The following PTPRD variants were observed in gnomAD, a reference collection of about 807,000 sequenced individuals.
PTPRD encodes the protein receptor-type tyrosine-protein phosphatase delta.
A neutral mutation model predicts 214.5 loss-of-function variants in PTPRD; 34 were observed. The observed-to-expected ratio is 0.16, with a 90% CI of 0.12 to 0.21. PTPRD has a LOEUF of 0.21. Ranked by LOEUF, PTPRD falls within the 10% of genes least tolerant of loss-of-function variation. PTPRD has a pLI of 1.00. For synonymous variants in PTPRD, 1,128 were observed against 845.7 expected (o/e 1.33, Z -5.79); for missense variants, 2,545 against 2,398.7 (o/e 1.06, Z -1.27).
At chr9:10,485,200 C>A (rs1308862156) in intron 2 of PTPRD, among the ~76,000 whole-genome samples, 1 of 152,016 alleles carries the variant, frequency 6.6e-6, no homozygotes, top group Non-Finnish European at 1.5e-5. Flanking sequence ...TCTGCATTCT[C>A]TTCTCTGTTC....
At chr9:10,307,796 T>A (rs1397782178) in intron 3 of PTPRD, among the ~76,000 whole-genome samples, 2 of 152,018 alleles carry the variant, frequency 1.3e-5, no homozygotes, top group Admixed American at 6.6e-5. Flanking sequence ...GTGGTTTGGG[T>A]TGGCATTTTT....
chr9:9,804,450 C>A (rs967952713), intron 5 of PTPRD, among the ~76,000 whole-genome samples: 1 of 152,042 alleles, frequency 6.6e-6, no homozygotes, highest in African/African-American at 2.4e-5. Context: ...TGAATGTGTT[C>A]TAAAATTTCT....
intron 4 of PTPRD, among the ~76,000 whole-genome samples, chr9:9,967,649 G>C (rs2094799263): frequency 6.6e-6 from 1 of 152,170 alleles, no homozygotes; most frequent in Non-Finnish European, 1.5e-5. Context: ...AGAATTAAAA[G>C]TTGTATTAGG....
chr9:9,655,918 C>T (rs1292189021), intron 7 of PTPRD, among the ~76,000 whole-genome samples: 2 of 152,166 alleles, frequency 1.3e-5, no homozygotes, highest in East Asian at 3.9e-4. Flanking sequence ...ACGGAGGTTG[C>T]AGTGAACCGA....
At chr9:9,139,806 T>A (rs1399061399) in intron 10 of PTPRD, among the ~76,000 whole-genome samples, 1 of 152,214 alleles carries the variant, frequency 6.6e-6, no homozygotes, top group African/African-American at 2.4e-5. Flanking sequence ...AGAACCACTG[T>A]ACCGGCAACA....
intron 10 of PTPRD, among the ~76,000 whole-genome samples, chr9:9,180,378 G>T (rs533589381): frequency 6.8e-6 from 1 of 146,254 alleles, no homozygotes; most frequent in South Asian, 2.2e-4. Flanking sequence ...ATTCTCACTC[G>T]TAGGTGGGAA....
chr9:10,160,277 T>A (rs1049228747), intron 3 of PTPRD, among the ~76,000 whole-genome samples: 1 of 152,032 alleles, frequency 6.6e-6, no homozygotes, highest in Non-Finnish European at 1.5e-5. Context: ...TGGGCACATA[T>A]AATCTGACAA....
At chr9:10,499,227 A>C (rs1465735172) in intron 2 of PTPRD, among the ~76,000 whole-genome samples, 5 of 151,856 alleles carry the variant, frequency 3.3e-5, no homozygotes, top group Admixed American at 1.3e-4. Flanking sequence ...AGGTTTTTAA[A>C]ATGAGAAGGT....
chr9:9,870,826 T>C lies in PTPRD; in HGVS notation c.-368+67681A>G, dbSNP rs114371531. ...GGAAAGAGAAGGTAGGATAGACACT[T>C]AGTGTTGAAATATCTTAACAATTGT... On this transcript the variant is annotated intron_variant, in intron 5 of 45. Transcript: ENST00000381196. Among the ~76,000 whole-genome samples the C allele has an allele frequency of 3.8e-3, 579 of 152,160 alleles. 2 individuals carry two copies. The highest frequency in any genetic ancestry group is 0.013 in the African/African-American group (552 of 41,546).
At position 9,758,539 on chromosome 9, in the gene PTPRD, C is replaced by G. The variant is rs186711516; in HGVS notation, c.-326+8271G>C. On this transcript the variant is annotated intron_variant, in intron 6 of 45. Coordinates refer to ENST00000381196, the MANE Select transcript of PTPRD (RefSeq NM_002839.4). ...AGGCAGCGTGTGAGTTCCAGGTTCT[C>G]AGAAAGTACATAAAGCCAAAGATAG... Among the ~76,000 whole-genome samples the G allele has an allele frequency of 7.2e-5, 11 of 152,240 alleles. No individual in the cohort carries two copies. In the East Asian group the frequency reaches 2.1e-3, roughly 29 times the overall value.
At chr9:8,966,549 C>G (rs896028872) in intron 11 of PTPRD, among the ~76,000 whole-genome samples, 2 of 151,972 alleles carry the variant, frequency 1.3e-5, no homozygotes, top group African/African-American at 4.8e-5. Flanking sequence ...AGACAACTGG[C>G]CAGCCATATC....
At chr9:9,293,389 CTT>C (rs71500980) in intron 9 of PTPRD, among the ~76,000 whole-genome samples, 1 of 111,006 alleles carries the variant, frequency 9.0e-6, no homozygotes. Flanking sequence ...TTTGTTTGTT[CTT>C]TTTTTTTTTG....
At chr9:8,341,417 C>T (rs1852309314) in intron 40 of PTPRD, 149 bp from the exon 41 acceptor site, 2 of 906,132 alleles carry the variant, frequency 2.2e-6, no homozygotes, top group African/African-American at 1.7e-5. Context: ...CTGCTTTTCA[C>T]ATCTACCTAA....
rs2078764347 is a variant in PTPRD, at chr9:10,604,358, T to C, written c.-600+8040A>G. Reference sequence around the variant, plus strand: ...CTGATGTAATACTTCAAAAAGCCAGTATGAATGTGTCTTAGTGAATGTGTA... The same window carrying C: ...CTGATGTAATACTTCAAAAAGCCAGCATGAATGTGTCTTAGTGAATGTGTA... On this transcript the variant is annotated intron_variant, in intron 2 of 45. Coordinates refer to ENST00000381196, the MANE Select transcript of PTPRD (RefSeq NM_002839.4). Among the ~76,000 whole-genome samples, 3 of 151,880 alleles carry C rather than the reference T, an allele frequency of 2.0e-5. No individual in the cohort carries two copies. The South Asian group carries it at 6.2e-4, about 31-fold the overall frequency.
intron 3 of PTPRD, among the ~76,000 whole-genome samples, chr9:10,215,263 A>G (rs1257775901): frequency 6.6e-6 from 1 of 151,968 alleles, no homozygotes; most frequent in Non-Finnish European, 1.5e-5. Flanking sequence ...CTAAGAATTG[A>G]CTGATGGATT....
chr9:9,916,458 G>A (rs1403507217), intron 5 of PTPRD, among the ~76,000 whole-genome samples: 1 of 151,770 alleles, frequency 6.6e-6, no homozygotes, highest in Non-Finnish European at 1.5e-5. Context: ...AACTATGAAT[G>A]TAAATAAACT....
intron 2 of PTPRD, among the ~76,000 whole-genome samples, chr9:10,430,221 T>C (rs1680826524): frequency 6.6e-6 from 1 of 151,950 alleles, no homozygotes; most frequent in African/African-American, 2.4e-5. Flanking sequence ...TAAAATGTTT[T>C]AAAAGACAAT....
At chr9:9,674,594 T>C (rs1317275083) in intron 7 of PTPRD, among the ~76,000 whole-genome samples, 3 of 151,602 alleles carry the variant, frequency 2.0e-5, no homozygotes, top group Non-Finnish European at 3.0e-5. Context: ...AAGAGAAAGA[T>C]TAAAACTACA....
In PTPRD at chr9:10,284,000, T is replaced by C. The variant is rs549797015; in HGVS notation, c.-545+56963A>G. Among the ~76,000 whole-genome samples the C allele has an allele frequency of 3.9e-5, 6 of 152,292 alleles. No individual in the cohort carries two copies. In the South Asian group the frequency reaches 1.0e-3, roughly 26 times the overall value. ...GTGAGACCCTGGCAAGCTCTTAGTC[T>C]TTTTTCTGCTCTTATTTCTTAATTG... On this transcript the variant is annotated intron_variant, in intron 3 of 45. Coordinates refer to ENST00000381196, the MANE Select transcript of PTPRD (RefSeq NM_002839.4).
Sources: gnomAD v4.1 joint callset for allele counts (sites outside exome capture counted in the v4.1 genomes callset) on GRCh38, gnomAD v4.1.1 for gene constraint, MANE v1.5 for transcripts, NCBI Gene and HGNC (gene_info 2026-07-23, HGNC 2026-07-21) for gene names.